The following ESPNL variants were observed in gnomAD, a reference collection of about 807,000 sequenced individuals.
ESPNL encodes the protein espin like.
Under a neutral mutation model 46.8 loss-of-function variants are expected in ESPNL, and 49 were observed. The ratio of observed to expected loss-of-function variants is 1.05; its 90% CI spans 0.83 to 1.33. ESPNL has a LOEUF of 1.33. Among genes scored for constraint, ESPNL ranks in the 40% most tolerant of loss-of-function variants. The pLI is 0.00. For synonymous variants in ESPNL, 664 were observed against 662.1 expected, an observed-to-expected ratio of 1.00 and a Z score of -0.04; for missense variants, 1,540 against 1,436.6, an observed-to-expected ratio of 1.07 and a Z score of -1.16.
rs376169301 is a variant in ESPNL at position 238,103,300 on chromosome 2, C to T, written c.485+1169C>T. Among the ~76,000 whole-genome samples the T allele has an allele frequency of 2.3e-4, 35 of 152,260 alleles. No individual in the cohort carries two copies. The South Asian group carries it at 7.1e-3, about 31-fold the overall frequency. On this transcript the variant is annotated intron_variant, in intron 2 of 8. Transcript: ENST00000343063. ...AAAAATTAGCCAGGCATGGTGGTGACTGCCTGTAGTCCCAGCAACTCAGGA... is the reference window on the plus strand; with the variant it reads ...AAAAATTAGCCAGGCATGGTGGTGATTGCCTGTAGTCCCAGCAACTCAGGA...
chr2:238,130,092 G>GGCTCACCCT lies in ESPNL; in HGVS notation c.1414-24_1414-16dup, dbSNP rs776731992. On this transcript the variant is annotated intron_variant, in intron 8 of 8. Coordinates refer to ENST00000343063, the MANE Select transcript of ESPNL (RefSeq NM_194312.4). ...TAGGTGGGCTGATGGTGGGTGGGTGGGCTCACCCTGCTCACCCTGCCCTTC... is the reference window on the plus strand; with the variant it reads ...TAGGTGGGCTGATGGTGGGTGGGTGGGCTCACCCTGCTCACCCTGCTCACCCTGCCCTTC... 351 of 1,582,600 alleles carry GGCTCACCCT rather than the reference G, an allele frequency of 2.2e-4. 1 individual carries two copies. The highest frequency in any genetic ancestry group is 2.8e-4 in the Non-Finnish European group (331 of 1,162,028).
At chr2:238,129,011 G>C (rs1303687693) in intron 8 of ESPNL, 107 bp downstream of exon 8, 1 of 1,451,026 alleles carries the variant, frequency 6.9e-7, no homozygotes, top group Non-Finnish European at 9.1e-7. Flanking sequence ...CCAAGACCCA[G>C]GGGCCCCTCT....
In ESPNL at chr2:238,131,666, C is replaced by T; in HGVS notation, c.2952C>T (p.Gly984=). ...GCTTCAACGGTGAGGACATCTGCGG[C>T]TACATCAACCGCAGCTTTGCCTTCT... ...QGSFNGEDIC[G]YINRSFAFWK... Residue 984 remains glycine, a synonymous_variant, in exon 9 of 9, where the codon GGC becomes GGT. Coordinates refer to ENST00000343063, the MANE Select transcript of ESPNL (RefSeq NM_194312.4). 1 of 1,602,454 alleles carries T rather than the reference C, an allele frequency of 6.2e-7. No homozygotes were observed. The highest frequency in any genetic ancestry group is 8.5e-7 in the Non-Finnish European group (1 of 1,171,398).
chr2:238,131,461 C>A lies in ESPNL; in HGVS notation c.2747C>A (p.Thr916Asn). The A allele has an allele frequency of 6.2e-7, 1 of 1,611,344 alleles. No homozygotes were observed. The highest frequency in any genetic ancestry group is 8.5e-7 in the Non-Finnish European group (1 of 1,179,258). Residue 916 changes from threonine (T) to asparagine (N), a missense_variant, in exon 9 of 9, where the codon ACC becomes AAC. Coordinates refer to ENST00000343063, the MANE Select transcript of ESPNL (RefSeq NM_194312.4). ...GTGGCCGCCGGCCGCCGGGCCTGGACCGACGGCTTCGAGGACATCAAAGCC... is the reference window on the plus strand; with the variant it reads ...GTGGCCGCCGGCCGCCGGGCCTGGAACGACGGCTTCGAGGACATCAAAGCC... Reference protein sequence around the residue: ...DEVAAGRRAWTDGFEDIKARF... With the variant: ...DEVAAGRRAWNDGFEDIKARF...
chr2:238,119,131 C>G (rs111067587), intron 5 of ESPNL, among the ~76,000 whole-genome samples: 1 of 102,512 alleles, frequency 9.8e-6, no homozygotes, highest in Non-Finnish European at 1.9e-5. Flanking sequence ...TGGATGAAGG[C>G]CTTGGATGGA....
At chr2:238,128,575 A>G (rs904278358) in intron 7 of ESPNL, 132 bp from the exon 8 acceptor site, 1 of 774,136 alleles carries the variant, frequency 1.3e-6, no homozygotes, top group South Asian at 1.8e-5. Flanking sequence ...CGTGGCCCCC[A>G]CTGTCCCTCC....
In ESPNL at chr2:238,131,403, G is replaced by C; in HGVS notation, c.2689G>C (p.Val897Leu). The C allele has an allele frequency of 8.1e-6, 13 of 1,607,362 alleles. No individual in the cohort carries two copies. The highest frequency in any genetic ancestry group is 1.0e-5 in the Non-Finnish European group (12 of 1,177,704). The stretch of plus-strand genomic sequence containing the variant: ...CCTGGGCACCCACGGCTGGGAGGCT[G>C]TGCGCGCCTTCCACAAGGCCGTGAC... ...EHLGTHGWEA[V>L]RAFHKAVTDE... The change falls in exon 9 of 9, where the codon GTG (valine) becomes CTG (leucine). Residue 897 changes from valine (V) to leucine (L), a missense_variant. By Grantham distance (32) the Val-to-Leu change is conservative. Coordinates refer to ENST00000343063, the MANE Select transcript of ESPNL (RefSeq NM_194312.4).
At chr2:238,111,314 A>G (rs886108100) in intron 4 of ESPNL, among the ~76,000 whole-genome samples, 1 of 152,176 alleles carries the variant, frequency 6.6e-6, no homozygotes, top group East Asian at 1.9e-4. Flanking sequence ...AAAATTTACC[A>G]TCTTAGCCAT....
chr2:238,129,467 C>T (rs943217182), intron 8 of ESPNL, among the ~76,000 whole-genome samples: 15 of 152,080 alleles, frequency 9.9e-5, no homozygotes, highest in African/African-American at 2.7e-4. Flanking sequence ...CAGGAGGAGG[C>T]GCCCTGGCAT....
At chr2:238,121,818 C>A (rs1235473445) in intron 5 of ESPNL, among the ~76,000 whole-genome samples, 1 of 152,350 alleles carries the variant, frequency 6.6e-6, no homozygotes, top group African/African-American at 2.4e-5. Flanking sequence ...ACTAAGACAT[C>A]TTTATTTTAT....
chr2:238,107,574 C>A (rs1027365504), intron 3 of ESPNL, among the ~76,000 whole-genome samples: 6 of 152,210 alleles, frequency 3.9e-5, no homozygotes, highest in African/African-American at 1.4e-4. Context: ...TAAGCTACTG[C>A]GCTCACTTCA....
At position 238,127,732 on chromosome 2, in the gene ESPNL, G is replaced by A; in HGVS notation, c.1213G>A (p.Glu405Lys). The change falls in exon 7 of 9, where the codon GAG becomes AAG. Residue 405 changes from glutamate (E) to lysine (K), a missense_variant and splice_region_variant. Glu to Lys is a moderately conservative substitution (Grantham distance 56, BLOSUM62 1). Coordinates refer to ENST00000343063, the MANE Select transcript of ESPNL (RefSeq NM_194312.4). ...RIITSATADP[E>K]GTETALAGDT... ...CATCACCAGTGCCACGGCTGACCCC[G>A]AGGTTCGTCCTCCACCCCTGCATTC... is the stretch of plus-strand genomic sequence containing the variant. The A allele has an allele frequency of 6.2e-7, 1 of 1,605,954 alleles. No homozygotes were observed. The highest frequency in any genetic ancestry group is 8.5e-7 in the Non-Finnish European group (1 of 1,176,714).
chr2:238,126,533 GTGAT>G (rs925226851), intron 6 of ESPNL, among the ~76,000 whole-genome samples: 3 of 150,676 alleles, frequency 2.0e-5, no homozygotes, highest in Non-Finnish European at 4.4e-5. Flanking sequence ...GCATCTGTGT[GTGAT>G]TGTGCCTGTG....
chr2:238,112,227 G>C (rs936938140), intron 4 of ESPNL, among the ~76,000 whole-genome samples: 5 of 147,204 alleles, frequency 3.4e-5, no homozygotes, highest in Non-Finnish European at 7.4e-5. Context: ...GTTGGTTTCA[G>C]CAAATTATAT....
chr2:238,123,969 G>A (rs1474586557), intron 5 of ESPNL, among the ~76,000 whole-genome samples: 1 of 152,232 alleles, frequency 6.6e-6, no homozygotes, highest in Non-Finnish European at 1.5e-5. Context: ...CATGAGCAAG[G>A]GAGGCTTAGG....
Position 238,104,676 on chromosome 2 carries a change from G to T in ESPNL, c.506G>T (p.Arg169Leu), listed in dbSNP as rs751187489. Residue 169 changes from arginine (R) to leucine (L), a missense_variant, in exon 3 of 9, where the codon CGC becomes CTC. Arg to Leu is a moderately radical substitution (Grantham distance 102). Transcript: ENST00000343063. ...AHGSSVNRRT[R>L]SGASPLYLAC... ...TGCAGCAGCGTGAACCGGCGGACAC[G>T]CAGTGGCGCCTCCCCACTCTACCTG... The T allele has an allele frequency of 6.3e-7, 1 of 1,598,474 alleles. No individual in the cohort carries two copies. The highest frequency in any genetic ancestry group is 8.5e-7 in the Non-Finnish European group (1 of 1,172,748).
Position 238,130,540 on chromosome 2 carries a change from GCGTGCATGGGCTAGTA to G in ESPNL, c.1828_1843del (p.Val610ArgfsTer70). 1 of 1,591,658 alleles carries G rather than the reference GCGTGCATGGGCTAGTA, an allele frequency of 6.3e-7. No individual in the cohort carries two copies. Among genetic ancestry groups the G allele is most frequent in the Non-Finnish European group, 8.5e-7 (1 of 1,169,716 alleles). Reference sequence around the variant, plus strand: ...CGCAGCCTGTCCCTGCTGCTGAAGGGCGTGCATGGGCTAGTACAGGGGGATGAGAAGCCATCCACCC... The same window carrying G: ...CGCAGCCTGTCCCTGCTGCTGAAGGGCAGGGGGATGAGAAGCCATCCACCC... On this transcript the variant is annotated frameshift_variant, in exon 9 of 9. Transcript: ENST00000343063. LOFTEE classifies it low-confidence loss of function (END_TRUNC).
intron 3 of ESPNL, among the ~76,000 whole-genome samples, chr2:238,107,001 C>T (rs531304013): frequency 6.6e-6 from 1 of 152,354 alleles, no homozygotes; most frequent in East Asian, 1.9e-4. Context: ...CTCTGCTGTT[C>T]TCGTGGCCTC....
At chr2:238,115,623 T>A (rs915723336) in intron 4 of ESPNL, among the ~76,000 whole-genome samples, 8 of 152,266 alleles carry the variant, frequency 5.3e-5, no homozygotes, top group African/African-American at 1.9e-4. Context: ...TAATTGCACC[T>A]TTTATAGGTG....
Sources: allele counts gnomAD v4.1 joint callset (sites outside exome capture counted in the v4.1 genomes callset), GRCh38; gene constraint gnomAD v4.1.1; transcripts MANE v1.5; gene names NCBI Gene and HGNC (gene_info 2026-07-23, HGNC 2026-07-21).